The following LDB2 variants were observed in gnomAD, a reference collection of about 807,000 sequenced individuals.
LDB2 encodes LIM domain-binding protein 2.
In LDB2, 12 loss-of-function variants were observed where a neutral mutation model predicts 44.3. The ratio of observed to expected loss-of-function variants is 0.27; its 90% CI spans 0.17 to 0.44. The LOEUF is 0.44. LDB2 is among the 20% of genes least tolerant of loss of function. The pLI is 1.00. For synonymous variants in LDB2, 164 were observed against 174.8 expected, an observed-to-expected ratio of 0.94 and a Z score of 0.49; for missense variants, 344 against 473.5, an observed-to-expected ratio of 0.73 and a Z score of 2.54.
chr4:16,718,706 A>T (rs1757605572), intron 2 of LDB2, among the ~76,000 whole-genome samples: 1 of 152,106 alleles, frequency 6.6e-6, no homozygotes, highest in African/African-American at 2.4e-5. Context: ...CTCGCATAAG[A>T]GCTGTACGAA....
Position 16,502,629 on chromosome 4 carries a change from T to C in LDB2, c.*14A>G. 1 of 1,612,740 alleles carries C rather than the reference T, an allele frequency of 6.2e-7. No individual in the cohort carries two copies. Among genetic ancestry groups the C allele is most frequent in the Non-Finnish European group, 8.5e-7 (1 of 1,178,752 alleles). ...CCACGGGCCTATTGACAGTGGATTC[T>C]GGTGCCGATCATCTTATTGGGAAGC... is the stretch of plus-strand genomic sequence containing the variant. On this transcript the variant is annotated 3_prime_UTR_variant, in exon 8 of 8. Coordinates refer to ENST00000304523, the MANE Select transcript of LDB2 (RefSeq NM_001290.5).
intron 6 of LDB2, among the ~76,000 whole-genome samples, chr4:16,510,064 T>C (rs1234557190): frequency 6.6e-6 from 1 of 152,122 alleles, no homozygotes; most frequent in Non-Finnish European, 1.5e-5. Flanking sequence ...CAGTAAGCTA[T>C]GATTGTGCCA....
At chr4:16,819,701 A>G (rs1356534182) in intron 1 of LDB2, among the ~76,000 whole-genome samples, 1 of 152,226 alleles carries the variant, frequency 6.6e-6, no homozygotes, top group Non-Finnish European at 1.5e-5. Flanking sequence ...AATATCATAC[A>G]TTGCTAAATT....
At chr4:16,811,295 A>G (rs1779817585) in intron 1 of LDB2, among the ~76,000 whole-genome samples, 1 of 152,202 alleles carries the variant, frequency 6.6e-6, no homozygotes. Context: ...GCTATGTCCC[A>G]TGGTTAATTC....
chr4:16,735,276 G>A (rs1346156324), intron 2 of LDB2, among the ~76,000 whole-genome samples: 2 of 152,228 alleles, frequency 1.3e-5, no homozygotes, highest in East Asian at 3.9e-4. Flanking sequence ...CAGAGAATCT[G>A]TAAGAAGAGA....
intron 2 of LDB2, among the ~76,000 whole-genome samples, chr4:16,698,425 C>G (rs1752684023): frequency 6.6e-6 from 1 of 152,174 alleles, no homozygotes; most frequent in Non-Finnish European, 1.5e-5. Context: ...TTCCACACAC[C>G]TCACAGGTCC....
intron 2 of LDB2, among the ~76,000 whole-genome samples, chr4:16,722,642 C>T (rs1209160475): frequency 6.6e-6 from 1 of 152,158 alleles, no homozygotes; most frequent in African/African-American, 2.4e-5. Context: ...TCTCGGCACT[C>T]ACCATACTGT....
At chr4:16,778,698 G>A (rs1311900045) in intron 1 of LDB2, among the ~76,000 whole-genome samples, 3 of 152,138 alleles carry the variant, frequency 2.0e-5, no homozygotes, top group Non-Finnish European at 2.9e-5. Context: ...CTCTCTCTCA[G>A]GCACATGACA....
At chr4:16,786,727 T>C (rs1371545354) in intron 1 of LDB2, among the ~76,000 whole-genome samples, 1 of 152,176 alleles carries the variant, frequency 6.6e-6, no homozygotes, top group African/African-American at 2.4e-5. Context: ...AACCTCTCAG[T>C]GTCAATATAA....
At chr4:16,735,037 G>GTTGTGAAA (rs1337860238) in intron 2 of LDB2, among the ~76,000 whole-genome samples, 6 of 152,138 alleles carry the variant, frequency 3.9e-5, no homozygotes, top group Admixed American at 1.3e-4. Flanking sequence ...AAGGGCTCGG[G>GTTGTGAAA]TTGTGAAATG....
At chr4:16,573,595 C>T (rs1033459528) in intron 5 of LDB2, among the ~76,000 whole-genome samples, 3 of 152,154 alleles carry the variant, frequency 2.0e-5, no homozygotes, top group Non-Finnish European at 4.4e-5. Context: ...ATGGGCCACA[C>T]TTTGAATAGC....
intron 2 of LDB2, among the ~76,000 whole-genome samples, chr4:16,657,695 C>A (rs552202895): frequency 1.3e-5 from 2 of 152,314 alleles, no homozygotes; most frequent in East Asian, 3.9e-4. Context: ...CACCTCAGGG[C>A]CTTCGGATTT....
At chr4:16,663,577 C>T (rs551149713) in intron 2 of LDB2, among the ~76,000 whole-genome samples, 1 of 152,306 alleles carries the variant, frequency 6.6e-6, no homozygotes, top group East Asian at 1.9e-4. Flanking sequence ...TGTTTCAAAG[C>T]ACAATGCATG....
intron 1 of LDB2, among the ~76,000 whole-genome samples, chr4:16,894,604 T>C (rs1489939494): frequency 6.6e-6 from 1 of 152,144 alleles, no homozygotes; most frequent in African/African-American, 2.4e-5. Context: ...TGACCTCACA[T>C]AAAATAAATG....
chr4:16,866,407 A>C (rs544460035), intron 1 of LDB2, among the ~76,000 whole-genome samples: 15 of 152,368 alleles, frequency 9.8e-5, no homozygotes, highest in African/African-American at 3.1e-4. Flanking sequence ...CATTTAAGAA[A>C]ATAAATACAT....
intron 5 of LDB2, among the ~76,000 whole-genome samples, chr4:16,519,910 C>T (rs534071812): frequency 2.3e-4 from 35 of 152,078 alleles, no homozygotes; most frequent in Admixed American, 4.6e-4. Context: ...CTGAGCCAGG[C>T]GCTCAATGTA....
intron 3 of LDB2, among the ~76,000 whole-genome samples, chr4:16,589,441 G>C (rs1474846087): frequency 6.6e-6 from 1 of 152,078 alleles, no homozygotes; most frequent in East Asian, 1.9e-4. Context: ...AATTCTGCTT[G>C]CATAAAAGGC....
At chr4:16,596,539 A>G (rs560058129) in intron 2 of LDB2, among the ~76,000 whole-genome samples, 3 of 152,178 alleles carry the variant, frequency 2.0e-5, no homozygotes, top group Non-Finnish European at 4.4e-5. Flanking sequence ...TCTTCCCAAC[A>G]CTATGTCTCC....
At chr4:16,782,061 G>A (rs1166680050) in intron 1 of LDB2, among the ~76,000 whole-genome samples, 1 of 152,164 alleles carries the variant, frequency 6.6e-6, no homozygotes, top group Non-Finnish European at 1.5e-5. Flanking sequence ...ACTTGTTAGG[G>A]CAGCCTAGGA....
Sources: allele counts gnomAD v4.1 joint callset (sites outside exome capture counted in the v4.1 genomes callset), GRCh38; gene constraint gnomAD v4.1.1; transcripts MANE v1.5; gene names NCBI Gene and HGNC (gene_info 2026-07-23, HGNC 2026-07-21).